NTMT2: variants seen among roughly 807,000 people sequenced by gnomAD.
NTMT2 encodes the protein X-Pro-Lys N-terminal protein methyltransferase 1B.
In NTMT2, 21 loss-of-function variants were observed where a neutral mutation model predicts 23.4. That is an observed-to-expected ratio of 0.90 (90% confidence interval 0.64 to 1.29). NTMT2 has a LOEUF of 1.29. Among genes scored for constraint, NTMT2 ranks in the 50% most tolerant of loss-of-function variants. The pLI, the probability that NTMT2 is intolerant of heterozygous loss-of-function variation, is 0.00. For synonymous variants in NTMT2, 131 were observed against 127.7 expected, an observed-to-expected ratio of 1.03 and a Z score of -0.17; for missense variants, 336 against 352.0, an observed-to-expected ratio of 0.95 and a Z score of 0.36.
chr1:170,147,400 A>C (rs1672987939), intron 1 of NTMT2, among the ~76,000 whole-genome samples: 5 of 152,166 alleles, frequency 3.3e-5, no homozygotes. Flanking sequence ...AAAGGAGGGA[A>C]GTAAAATTCA....
intron 1 of NTMT2, among the ~76,000 whole-genome samples, chr1:170,152,107 A>T (rs1673081319): frequency 6.6e-6 from 1 of 152,222 alleles, no homozygotes; most frequent in Non-Finnish European, 1.5e-5. Context: ...TGAACATTCA[A>T]AGAAGGCCCA....
At chr1:170,150,864 G>C (rs762330501) in intron 1 of NTMT2, among the ~76,000 whole-genome samples, 36 of 152,160 alleles carry the variant, frequency 2.4e-4, no homozygotes, top group Non-Finnish European at 4.7e-4. Flanking sequence ...TCTCCAGTGT[G>C]TATACCAGTG....
At chr1:170,146,890 A>G (rs957990488) in intron 1 of NTMT2, among the ~76,000 whole-genome samples, 4 of 152,204 alleles carry the variant, frequency 2.6e-5, no homozygotes, top group African/African-American at 9.7e-5. Flanking sequence ...TAAAAAGCTT[A>G]TCTGTTTTGC....
At chr1:170,159,073 G>C (rs766185440) in intron 1 of NTMT2, among the ~76,000 whole-genome samples, 2 of 152,080 alleles carry the variant, frequency 1.3e-5, no homozygotes, top group Non-Finnish European at 1.5e-5. Flanking sequence ...AAAAAACAAG[G>C]TAAATAATTC....
intron 1 of NTMT2, among the ~76,000 whole-genome samples, chr1:170,155,597 C>G (rs1673150455): frequency 6.6e-6 from 1 of 151,920 alleles, no homozygotes; most frequent in Admixed American, 6.6e-5. Context: ...AAATTACTGT[C>G]TAAACCTAGC....
At position 170,146,143 on chromosome 1, in the gene NTMT2, C is replaced by T. The variant is rs1672958319; in HGVS notation, c.36C>T (p.Ser12=). The T allele has an allele frequency of 1.9e-6, 3 of 1,551,236 alleles. No individual in the cohort carries two copies. The highest frequency in any genetic ancestry group is 2.6e-6 in the Non-Finnish European group (3 of 1,146,782). Residue 12 remains serine (S), a synonymous_variant, in exon 1 of 4, where the codon TCC becomes TCT. Coordinates refer to ENST00000439373, the MANE Select transcript of NTMT2 (RefSeq NM_001136107.2). ...AHRGAHFAFR[S]RWQKTDDELC... ...GGGGAGCCCATTTTGCCTTTAGATCCCGCTGGCAGAAGACCGACGATGAAC... is the reference window on the plus strand; with the variant it reads ...GGGGAGCCCATTTTGCCTTTAGATCTCGCTGGCAGAAGACCGACGATGAAC...
chr1:170,147,281 G>A (rs908447803), intron 1 of NTMT2, among the ~76,000 whole-genome samples: 5 of 151,826 alleles, frequency 3.3e-5, no homozygotes, highest in South Asian at 2.1e-4. Flanking sequence ...ACTTTTTATC[G>A]TCTATGACTT....
At chr1:170,157,340 A>G (rs1673183031) in intron 1 of NTMT2, among the ~76,000 whole-genome samples, 1 of 152,178 alleles carries the variant, frequency 6.6e-6, no homozygotes, top group African/African-American at 2.4e-5. Context: ...TTATATTTTT[A>G]AAATAACAAT....
intron 1 of NTMT2, 96 bp from the exon 2 acceptor site, chr1:170,160,422 C>T: frequency 1.7e-6 from 2 of 1,155,822 alleles, no homozygotes; most frequent in Non-Finnish European, 2.3e-6. Context: ...TGCCACAGCA[C>T]AGATTCACAG....
At chr1:170,162,409 T>C (rs1000132332) in intron 2 of NTMT2, among the ~76,000 whole-genome samples, 4 of 152,146 alleles carry the variant, frequency 2.6e-5, no homozygotes, top group Non-Finnish European at 5.9e-5. Flanking sequence ...GTCCAGAGAG[T>C]GACAGTAGAT....
rs186322807 is a variant in NTMT2, at chr1:170,146,326, G to C, written c.154+65G>C. The C allele has an allele frequency of 8.3e-5, 119 of 1,426,488 alleles. 1 individual carries two copies. The African/African-American group carries it at 1.7e-3, about 20-fold the overall frequency. The allele number at this position is 1,426,488 out of a possible 1,614,324, so 88.4% of individuals were successfully genotyped here. A position where few individuals can be genotyped will look rare whatever the true frequency, so the allele number is the denominator to read the frequency against. On this transcript the variant is annotated intron_variant, in intron 1 of 3. Transcript: ENST00000439373. ...ACTGATGGGATTGCATGAGGTCATG[G>C]GGCTTCTAGAAGAGAATTTAAAACA...
At chr1:170,155,317 G>A (rs1321859793) in intron 1 of NTMT2, among the ~76,000 whole-genome samples, 1 of 152,088 alleles carries the variant, frequency 6.6e-6, no homozygotes, top group Admixed American at 6.6e-5. Context: ...ATTAGTGTCA[G>A]AGCTGGCAAA....
chr1:170,166,285 G>T (rs1053380036), intron 2 of NTMT2, among the ~76,000 whole-genome samples: 4 of 139,860 alleles, frequency 2.9e-5, no homozygotes, highest in Non-Finnish European at 6.3e-5. Context: ...GACTACAGGC[G>T]CCCACCATCA....
intron 1 of NTMT2, among the ~76,000 whole-genome samples, chr1:170,147,108 A>G (rs1672978447): frequency 6.6e-6 from 1 of 152,226 alleles, no homozygotes; most frequent in South Asian, 2.1e-4. Context: ...TGATGTGGTC[A>G]GGGTTTCCAG....
intron 2 of NTMT2, among the ~76,000 whole-genome samples, chr1:170,161,223 T>C (rs1381994523): frequency 1.3e-5 from 2 of 150,914 alleles, no homozygotes; most frequent in African/African-American, 4.9e-5. Flanking sequence ...GGCGTGAACC[T>C]GGGAGGCAGA....
chr1:170,167,515 T>A lies in NTMT2; in HGVS notation c.610T>A (p.Phe204Ile). The A allele has an allele frequency of 6.4e-7, 1 of 1,551,532 alleles. No individual in the cohort carries two copies. Among genetic ancestry groups the A allele is most frequent in the Non-Finnish European group, 8.7e-7 (1 of 1,146,858 alleles). The stretch of plus-strand genomic sequence containing the variant: ...CCTGACTGATAAGGACCTTCTTGCA[T>A]TTCTTTCCCGGTGCCGAGATGGCCT... ...GHLTDKDLLA[F>I]LSRCRDGLKE... Residue 204 changes from phenylalanine (F) to isoleucine (I), a missense_variant, in exon 4 of 4, where the codon TTT becomes ATT. By Grantham distance (21) the Phe-to-Ile change is conservative (BLOSUM62 0). Transcript: ENST00000439373.
At chr1:170,163,438 T>C (rs1673311341) in intron 2 of NTMT2, among the ~76,000 whole-genome samples, 1 of 152,228 alleles carries the variant, frequency 6.6e-6, no homozygotes, top group African/African-American at 2.4e-5. Context: ...AAAAGGTGTT[T>C]AAACTAGTTG....
At chr1:170,148,157 T>TG (rs1203759139) in intron 1 of NTMT2, among the ~76,000 whole-genome samples, 1 of 135,482 alleles carries the variant, frequency 7.4e-6, no homozygotes, top group Non-Finnish European at 1.6e-5. Flanking sequence ...TTTTTTTTTT[T>TG]TTTTTTTTTG....
In NTMT2 at chr1:170,167,566, A is replaced by T; in HGVS notation, c.661A>T (p.Lys221Ter). The change falls in exon 4 of 4, where the codon AAG becomes TAG. Residue 221 changes from lysine to a stop codon, truncating the protein, a stop_gained. Coordinates refer to ENST00000439373, the MANE Select transcript of NTMT2 (RefSeq NM_001136107.2). LOFTEE classifies it high-confidence loss of function. The part of the protein sequence containing the change: ...GLKENGIIIL[K>*]DNVAREGCIL... ...GAAAGAAAATGGCATCATCATATTG[A>T]AGGACAATGTGGCCCGGGAGGGCTG... is the stretch of plus-strand genomic sequence containing the variant. 6.4e-7 allele frequency: 1 copy of T among 1,551,634 alleles called. No homozygotes were observed. The highest frequency in any genetic ancestry group is 8.7e-7 in the Non-Finnish European group (1 of 1,146,984).
Sources: allele counts gnomAD v4.1 joint callset (sites outside exome capture counted in the v4.1 genomes callset), GRCh38; gene constraint gnomAD v4.1.1; transcripts MANE v1.5; gene names NCBI Gene and HGNC (gene_info 2026-07-23, HGNC 2026-07-21).